The following TBC1D22A variants were observed in gnomAD, a reference collection of about 807,000 sequenced individuals.
The protein encoded by TBC1D22A is putative GTPase activator.
A neutral mutation model predicts 60.2 loss-of-function variants in TBC1D22A; 38 were observed. The observed-to-expected ratio is 0.63, with a 90% CI of 0.49 to 0.83. The LOEUF (loss-of-function observed/expected upper bound fraction) is 0.83, where lower values mean the gene tolerates loss of function less well. TBC1D22A is among the 40% of genes least tolerant of loss of function. The probability of loss-of-function intolerance (pLI) is 0.00; values close to 1 mark genes in which losing one functional copy is unlikely to be tolerated. For missense variants in TBC1D22A, 628 were observed against 701.0 expected, an observed-to-expected ratio of 0.90 and a Z score of 1.18; for synonymous variants, 302 against 281.7, an observed-to-expected ratio of 1.07 and a Z score of -0.72.
At chr22:46,969,679 G>T (rs938613247) in intron 8 of TBC1D22A, among the ~76,000 whole-genome samples, 2 of 152,110 alleles carry the variant, frequency 1.3e-5, no homozygotes, top group Non-Finnish European at 2.9e-5. Context: ...GTTCCCTTGG[G>T]GTTAGCCTGT....
At chr22:46,787,319 C>G (rs571169418) in intron 1 of TBC1D22A, among the ~76,000 whole-genome samples, 8 of 152,274 alleles carry the variant, frequency 5.3e-5, no homozygotes, top group African/African-American at 1.9e-4. Context: ...AACAACCAGA[C>G]CAGCAGCTTT....
At chr22:46,882,679 G>A (rs1045658751) in intron 5 of TBC1D22A, among the ~76,000 whole-genome samples, 1 of 152,184 alleles carries the variant, frequency 6.6e-6, no homozygotes, top group Admixed American at 6.5e-5. Flanking sequence ...AGATGGGAGG[G>A]ATTTATCCCA....
intron 9 of TBC1D22A, among the ~76,000 whole-genome samples, chr22:46,992,455 A>C (rs1461806952): frequency 6.6e-6 from 1 of 152,230 alleles, no homozygotes; most frequent in East Asian, 1.9e-4. Context: ...ACCACCCTGC[A>C]CAGTGTAGGC....
rs1219802861 is a variant in TBC1D22A at position 46,879,064 on chromosome 22, T to C, written c.708+341T>C. ...TCCGAGGAGTTGAAACAGGGAAATA[T>C]GTTTTAAATTTGTTTCAAATATGCT... On this transcript the variant is annotated intron_variant, in intron 5 of 12. Coordinates refer to ENST00000337137, the MANE Select transcript of TBC1D22A (RefSeq NM_014346.5). Among the ~76,000 whole-genome samples, 4 of 152,236 alleles carry C rather than the reference T, an allele frequency of 2.6e-5. No individual in the cohort carries two copies. The South Asian group carries it at 6.2e-4, about 24-fold the overall frequency.
At chr22:46,790,602 G>C (rs2084363801) in intron 1 of TBC1D22A, among the ~76,000 whole-genome samples, 1 of 151,978 alleles carries the variant, frequency 6.6e-6, no homozygotes, top group African/African-American at 2.4e-5. Flanking sequence ...AATGGACAAA[G>C]GGTATGAGCA....
intron 9 of TBC1D22A, among the ~76,000 whole-genome samples, chr22:46,989,915 A>C (rs956759714): frequency 2.0e-5 from 3 of 152,086 alleles, no homozygotes; most frequent in African/African-American, 7.2e-5. Context: ...TGATTCTCCC[A>C]CCGCAGTCTC....
intron 1 of TBC1D22A, among the ~76,000 whole-genome samples, chr22:46,768,643 C>G (rs1226094297): frequency 1.3e-5 from 2 of 152,146 alleles, no homozygotes; most frequent in African/African-American, 4.8e-5. Context: ...TTAAAAATGC[C>G]AAGACAAAAT....
intron 12 of TBC1D22A, among the ~76,000 whole-genome samples, chr22:47,123,914 A>G (rs554316545): frequency 1.3e-5 from 2 of 152,178 alleles, no homozygotes; most frequent in East Asian, 1.9e-4. Context: ...TTGTGTGGCC[A>G]TGTGGTATTA....
At chr22:46,909,881 C>G (rs939695001) in intron 7 of TBC1D22A, among the ~76,000 whole-genome samples, 1 of 152,198 alleles carries the variant, frequency 6.6e-6, no homozygotes, top group African/African-American at 2.4e-5. Context: ...TGGGGCTGCG[C>G]GTTGGTGACT....
At chr22:46,955,593 A>T (rs2073144019) in intron 8 of TBC1D22A, among the ~76,000 whole-genome samples, 1 of 152,270 alleles carries the variant, frequency 6.6e-6, no homozygotes, top group Non-Finnish European at 1.5e-5. Context: ...TCTTTTAGAA[A>T]TAAGCAGACA....
intron 12 of TBC1D22A, among the ~76,000 whole-genome samples, chr22:47,124,936 G>A (rs1007030622): frequency 1.3e-5 from 2 of 152,256 alleles, no homozygotes; most frequent in African/African-American, 4.8e-5. Flanking sequence ...TGGGCCAGGC[G>A]GGAGTGGAGA....
At chr22:46,801,425 A>G (rs1176158860) in intron 4 of TBC1D22A, among the ~76,000 whole-genome samples, 1 of 152,246 alleles carries the variant, frequency 6.6e-6, no homozygotes, top group Non-Finnish European at 1.5e-5. Flanking sequence ...TGTCCAGCGG[A>G]GTGCTGTTTT....
At chr22:47,089,503 A>T (rs2064832972) in intron 11 of TBC1D22A, among the ~76,000 whole-genome samples, 1 of 152,222 alleles carries the variant, frequency 6.6e-6, no homozygotes, top group South Asian at 2.1e-4. Context: ...CCACACGTAG[A>T]CGTACACACA....
chr22:46,763,365 A>G (rs1378013296), intron 1 of TBC1D22A: 1 of 145,788 alleles, frequency 6.9e-6, no homozygotes, highest in East Asian at 2.0e-4. Flanking sequence ...CTGGTGTCAA[A>G]ACCACCTCCT....
intron 10 of TBC1D22A, among the ~76,000 whole-genome samples, chr22:47,002,923 A>G (rs1404371249): frequency 6.6e-6 from 1 of 152,184 alleles, no homozygotes; most frequent in Non-Finnish European, 1.5e-5. Flanking sequence ...TCCCAGCAAC[A>G]GCATCGAAGC....
intron 12 of TBC1D22A, among the ~76,000 whole-genome samples, chr22:47,154,041 G>A (rs748120701): frequency 6.6e-6 from 1 of 152,138 alleles, no homozygotes; most frequent in African/African-American, 2.4e-5. Context: ...GGAGATGTGA[G>A]TAGCTGTGAC....
intron 11 of TBC1D22A, among the ~76,000 whole-genome samples, chr22:47,081,051 C>T (rs1335469676): frequency 2.1e-5 from 3 of 143,022 alleles, no homozygotes; most frequent in Admixed American, 1.5e-4. Context: ...ACCTGGGAGG[C>T]GAAGGTTGCG....
intron 11 of TBC1D22A, among the ~76,000 whole-genome samples, chr22:47,105,111 C>A (rs907103709): frequency 6.6e-6 from 1 of 151,952 alleles, no homozygotes; most frequent in African/African-American, 2.4e-5. Flanking sequence ...GAATAAATCT[C>A]TTTAAATATT....
intron 8 of TBC1D22A, among the ~76,000 whole-genome samples, chr22:46,968,615 G>A (rs1044756374): frequency 6.6e-6 from 1 of 150,562 alleles, no homozygotes; most frequent in East Asian, 2.0e-4. Flanking sequence ...TCACTGCGTG[G>A]CCGGCGGTCC....
Sources: gnomAD v4.1 joint callset for allele counts (sites outside exome capture counted in the v4.1 genomes callset) on GRCh38, gnomAD v4.1.1 for gene constraint, MANE v1.5 for transcripts, NCBI Gene and HGNC (gene_info 2026-07-23, HGNC 2026-07-21) for gene names.